VGLL4: variants seen among roughly 807,000 people sequenced by gnomAD.
VGLL4 encodes the protein vestigial like family member 4, also known as transcription cofactor vestigial-like protein 4.
A neutral mutation model predicts 21.0 loss-of-function variants in VGLL4; 7 were observed. The ratio of observed to expected loss-of-function variants is 0.33; its 90% confidence interval spans 0.19 to 0.63. The LOEUF (loss-of-function observed/expected upper bound fraction) is 0.63, where lower values mean the gene tolerates loss of function less well. VGLL4 is among the 20% of genes least tolerant of loss of function. The pLI is 0.78. For synonymous variants in VGLL4, 222 were observed against 173.2 expected (o/e 1.28, Z -2.21); for missense variants, 394 against 425.7 (o/e 0.93, Z 0.66).
At chr3:11,641,020 G>A (rs758440817) in intron 1 of VGLL4, among the ~76,000 whole-genome samples, 14 of 151,538 alleles carry the variant, frequency 9.2e-5, no homozygotes, top group Non-Finnish European at 1.6e-4. Context: ...AGGAGGCTGT[G>A]GCAGGAGAAT....
At chr3:11,598,965 T>C (rs932698509) in intron 2 of VGLL4, among the ~76,000 whole-genome samples, 1 of 152,240 alleles carries the variant, frequency 6.6e-6, no homozygotes, top group Non-Finnish European at 1.5e-5. Flanking sequence ...CAAATAATTA[T>C]GAATCTGTCA....
At chr3:11,644,016 C>T (rs897972480), upstream of VGLL4, 6 of 984,516 alleles carry the variant, frequency 6.1e-6, no homozygotes, top group Non-Finnish European at 7.2e-6. Context: ...TGCACAGGAT[C>T]AGCCTCTCAA....
intron 2 of VGLL4, among the ~76,000 whole-genome samples, chr3:11,581,548 G>A (rs1317157451): frequency 6.6e-6 from 1 of 152,204 alleles, no homozygotes; most frequent in Non-Finnish European, 1.5e-5. Context: ...AAAAGGGTGG[G>A]AGGAGAGGCT....
chr3:11,720,474 C>G (rs1170829559), exon 1 of VGLL4: 1 of 152,746 alleles, frequency 6.5e-6, no homozygotes, highest in East Asian at 1.9e-4. Context: ...GTCCCGGGCG[C>G]TCCGACGCCG....
chr3:11,713,428 G>A (rs1176091537), intron 1 of VGLL4, among the ~76,000 whole-genome samples: 1 of 151,874 alleles, frequency 6.6e-6, no homozygotes, highest in Non-Finnish European at 1.5e-5. Context: ...GAACTTGGCT[G>A]CTTCTGCTTG....
rs530964749 is a variant in VGLL4, at chr3:11,634,860, C to T, written c.82+8577G>A. Among the ~76,000 whole-genome samples the T allele has an allele frequency of 3.9e-4, 59 of 152,162 alleles. 1 individual carries two copies. The highest frequency in any genetic ancestry group is 9.9e-4 in the African/African-American group (41 of 41,518). On this transcript the variant is annotated intron_variant, in intron 1 of 4. Transcript: ENST00000430365. The stretch of plus-strand genomic sequence containing the variant: ...CTAATTTTTATATTTTTAGTAGAGG[C>T]GGCGTTTCACCACATTGGCCAGGCA...
chr3:11,562,914 C>T lies in VGLL4; in HGVS notation c.495+1883G>A, dbSNP rs186307315. 9.1e-4 allele frequency among the ~76,000 whole-genome samples: 138 copies of T among 152,346 alleles called. 3 individuals carry two copies. The East Asian group carries it at 0.023, about 26-fold the overall frequency. ...CTCCTAGGAAAGCTGCTCAGGAGCC[C>T]CAAGGCACAAGGAGGGGCCCTTGCC... On this transcript the variant is annotated intron_variant, in intron 3 of 4. Coordinates refer to ENST00000430365, the MANE Select transcript of VGLL4 (RefSeq NM_001128219.3).
intron 1 of VGLL4, among the ~76,000 whole-genome samples, chr3:11,716,955 G>T (rs896383985): frequency 6.6e-6 from 1 of 152,022 alleles, no homozygotes; most frequent in Non-Finnish European, 1.5e-5. Context: ...ATACCTCGAA[G>T]AAATTTCTTA....
chr3:11,644,068 G>A, upstream of VGLL4: 1 of 877,532 alleles, frequency 1.1e-6, no homozygotes, highest in Non-Finnish European at 1.4e-6. Flanking sequence ...GAGGGGGAGA[G>A]ACTCTAGAGA....
At chr3:11,572,346 G>T (rs1013482953) in intron 2 of VGLL4, among the ~76,000 whole-genome samples, 1 of 152,064 alleles carries the variant, frequency 6.6e-6, no homozygotes, top group African/African-American at 2.4e-5. Context: ...ATATATATTG[G>T]ACTGGCTCCA....
upstream of VGLL4, among the ~76,000 whole-genome samples, chr3:11,648,500 A>C (rs535467871): frequency 1.3e-5 from 2 of 152,336 alleles, no homozygotes; most frequent in East Asian, 3.9e-4. Context: ...CCAGAAATAA[A>C]ATTTTTAATC....
In VGLL4 at chr3:11,691,983, GAA is replaced by G. The variant is rs36035876; in HGVS notation, c.64+10986_64+10987del. ...ATGGGTAGGGAGAAGTGCACCAAAT[GAA>G]AAAAAAAAAAAAAAAAGAACTACTT... is the stretch of plus-strand genomic sequence containing the variant. On this transcript the variant is annotated intron_variant, in intron 2 of 5. Coordinates refer to the VGLL4 transcript ENST00000273038. 7.5e-3 allele frequency among the ~76,000 whole-genome samples: 793 copies of G among 105,682 alleles called. 9 individuals are homozygous for G. The highest frequency in any genetic ancestry group is 0.031 in the African/African-American group (741 of 24,278). The allele number at this position is 105,682 out of a possible 152,430, so 69.3% of individuals were successfully genotyped here.
chr3:11,714,111 A>T (rs2076886888), intron 1 of VGLL4, among the ~76,000 whole-genome samples: 1 of 152,202 alleles, frequency 6.6e-6, no homozygotes. Flanking sequence ...ACTGTATGAA[A>T]GTTGATCATG....
intron 2 of VGLL4, among the ~76,000 whole-genome samples, chr3:11,567,171 T>C (rs753775317): frequency 8.5e-5 from 13 of 152,112 alleles, no homozygotes; most frequent in Non-Finnish European, 1.8e-4. Context: ...CCCGAGGCGT[T>C]CCGAGCCTCG....
chr3:11,580,004 C>T (rs1284240281), intron 2 of VGLL4, among the ~76,000 whole-genome samples: 1 of 152,172 alleles, frequency 6.6e-6, no homozygotes, highest in Non-Finnish European at 1.5e-5. Flanking sequence ...TGAAGTTGGT[C>T]ATCACAGTTT....
chr3:11,715,508 A>G (rs1464444864), intron 1 of VGLL4, among the ~76,000 whole-genome samples: 1 of 151,898 alleles, frequency 6.6e-6, no homozygotes, highest in Non-Finnish European at 1.5e-5. Flanking sequence ...TAATTTTTGT[A>G]TTTTTAGTAG....
At position 11,562,941 on chromosome 3, in the gene VGLL4, C is replaced by T. The variant is rs190070381; in HGVS notation, c.495+1856G>A. ...AAGGCACAAGGAGGGGCCCTTGCCACGTGTGCCGTGGGCAGCCAGGCCCAT... is the reference window on the plus strand; with the variant it reads ...AAGGCACAAGGAGGGGCCCTTGCCATGTGTGCCGTGGGCAGCCAGGCCCAT... On this transcript the variant is annotated intron_variant, in intron 3 of 4. Coordinates refer to ENST00000430365, the MANE Select transcript of VGLL4 (RefSeq NM_001128219.3). 9.9e-4 allele frequency among the ~76,000 whole-genome samples: 151 copies of T among 152,322 alleles called. 1 individual carries two copies. Among genetic ancestry groups the T allele is most frequent in the Non-Finnish European group, 7.4e-5 (5 of 68,022 alleles).
intron 3 of VGLL4, among the ~76,000 whole-genome samples, chr3:11,562,028 G>C (rs982620236): frequency 6.6e-6 from 1 of 151,492 alleles, no homozygotes; most frequent in African/African-American, 2.4e-5. Flanking sequence ...CTCCCGAGTA[G>C]CTGGGATTAC....
intron 1 of VGLL4, among the ~76,000 whole-genome samples, chr3:11,704,105 G>T (rs1361121516): frequency 6.6e-6 from 1 of 152,144 alleles, no homozygotes; most frequent in Non-Finnish European, 1.5e-5. Context: ...ATTAGGTCGG[G>T]CGTGGTGGCT....
Sources: allele counts gnomAD v4.1 joint callset (sites outside exome capture counted in the v4.1 genomes callset), GRCh38; gene constraint gnomAD v4.1.1; transcripts MANE v1.5; gene names NCBI Gene and HGNC (gene_info 2026-07-23, HGNC 2026-07-21).